The following ABCA4 variants were observed in gnomAD, a reference collection of about 807,000 sequenced individuals.
ABCA4 encodes retinal-specific phospholipid-transporting ATPase ABCA4.
A neutral mutation model predicts 263.7 loss-of-function variants in ABCA4; 196 were observed. The observed-to-expected ratio is 0.74, with a 90% CI of 0.66 to 0.84. The LOEUF (loss-of-function observed/expected upper bound fraction) is 0.84. Among genes scored for constraint, ABCA4 ranks in the 40% least tolerant of loss-of-function variants. The pLI is 0.00. For missense variants in ABCA4, 2,792 were observed against 2,855.1 expected, an observed-to-expected ratio of 0.98 and a Z score of 0.50; for synonymous variants, 1,133 against 1,094.2, an observed-to-expected ratio of 1.04 and a Z score of -0.70.
At chr1:94,036,231 C>T (rs936384580) in intron 26 of ABCA4, among the ~76,000 whole-genome samples, 1 of 151,148 alleles carries the variant, frequency 6.6e-6, no homozygotes, top group Admixed American at 6.6e-5. Context: ...AATCCTCATT[C>T]ATCCAAAGTG....
intron 49 of ABCA4, among the ~76,000 whole-genome samples, chr1:93,995,642 G>C (rs150261293): frequency 8.7e-4 from 133 of 152,260 alleles, no homozygotes; most frequent in African/African-American, 2.9e-3. Context: ...GCTATTCCTT[G>C]ATCTAACCAA....
chr1:94,020,120 A>T (rs987274421), intron 35 of ABCA4, among the ~76,000 whole-genome samples: 1 of 152,148 alleles, frequency 6.6e-6, no homozygotes, highest in African/African-American at 2.4e-5. Context: ...TGAATTTTCT[A>T]TGTTGACAGA....
rs748388032 is a variant in ABCA4 at position 94,029,460 on chromosome 1, G to T, written c.4524C>A (p.Gly1508=). 2.6e-5 allele frequency: 40 copies of T among 1,556,868 alleles called. No homozygotes were observed. The highest frequency in any genetic ancestry group is 3.0e-5 in the Non-Finnish European group (35 of 1,149,556). ...GGTCAGGTACCTGGGGGGGCGGGAG[G>T]CCCCCGGCACCCTCGGGGCACTCTG... The part of the protein sequence containing the change: ...MLPECPEGAG[G]LPPPQRTQRS... The change falls in exon 30 of 50, where the codon GGC becomes GGA. Residue 1508 remains glycine (G), a synonymous_variant. Transcript: ENST00000370225.
chr1:94,046,093 T>G, intron 19 of ABCA4: 2 of 369,606 alleles, frequency 5.4e-6, no homozygotes, highest in Non-Finnish European at 1.1e-5. Context: ...CTAACCCTCA[T>G]CAGCTGATGT....
intron 29 of ABCA4, among the ~76,000 whole-genome samples, chr1:94,030,053 C>T (rs1660152643): frequency 6.6e-6 from 1 of 152,220 alleles, no homozygotes; most frequent in Non-Finnish European, 1.5e-5. Context: ...AGACTCACAA[C>T]TATCACAAAG....
intron 9 of ABCA4, 104 bp downstream of exon 9, chr1:94,079,218 T>C: frequency 6.6e-7 from 1 of 1,526,154 alleles, no homozygotes; most frequent in Non-Finnish European, 9.1e-7. Context: ...AAAACAAACA[T>C]GAGATGTGCT....
chr1:93,993,513 G>A (rs1658923580), intron 49 of ABCA4, among the ~76,000 whole-genome samples: 1 of 151,702 alleles, frequency 6.6e-6, no homozygotes, highest in Non-Finnish European at 1.5e-5. Flanking sequence ...CATCCTGGGG[G>A]GAAGCTACAC....
intron 11 of ABCA4, among the ~76,000 whole-genome samples, chr1:94,073,353 C>T (rs1284623580): frequency 6.6e-6 from 1 of 152,202 alleles, no homozygotes; most frequent in Non-Finnish European, 1.5e-5. Context: ...TGCTCAGAGG[C>T]CCTCGTGAAG....
chr1:94,062,466 G>A (rs2101077780), intron 13 of ABCA4, 111 bp downstream of exon 13: 1 of 1,363,678 alleles, frequency 7.3e-7, no homozygotes, highest in Non-Finnish European at 1.0e-6. Context: ...TCTGGTCCCT[G>A]GGGCTCTCTC....
At chr1:94,107,095 T>C (rs1267015159) in intron 4 of ABCA4, among the ~76,000 whole-genome samples, 2 of 152,184 alleles carry the variant, frequency 1.3e-5, no homozygotes, top group Non-Finnish European at 2.9e-5. Flanking sequence ...ACATTTCTTG[T>C]TTGGAACCTG....
chr1:94,110,521 C>G (rs189725797), intron 3 of ABCA4, among the ~76,000 whole-genome samples: 4 of 152,236 alleles, frequency 2.6e-5, no homozygotes, highest in Admixed American at 1.3e-4. Flanking sequence ...TGCTCCCCAA[C>G]AGGCCTTTGC....
At chr1:94,071,527 C>T (rs1051927973) in intron 11 of ABCA4, among the ~76,000 whole-genome samples, 2 of 152,214 alleles carry the variant, frequency 1.3e-5, no homozygotes, top group African/African-American at 4.8e-5. Flanking sequence ...CCAGATCCCC[C>T]ATTTAGCTGT....
At chr1:94,031,255 T>C in intron 27 of ABCA4, 135 bp from the exon 28 acceptor site, 2 of 1,228,042 alleles carry the variant, frequency 1.6e-6, no homozygotes, top group Non-Finnish European at 2.3e-6. Flanking sequence ...AGGGTTGGGC[T>C]TCTGGGGGAA....
At chr1:94,038,720 TTG>T (rs1370295857) in intron 24 of ABCA4, among the ~76,000 whole-genome samples, 1 of 152,282 alleles carries the variant, frequency 6.6e-6, no homozygotes, top group East Asian at 1.9e-4. Flanking sequence ...TTCCCAGGAA[TTG>T]TGTCTTAGGC....
At position 94,080,639 on chromosome 1, in the gene ABCA4, G is replaced by A. The variant is rs911073778; in HGVS notation, c.938C>T (p.Thr313Ile). The A allele has an allele frequency of 2.5e-6, 4 of 1,614,028 alleles. No individual in the cohort carries two copies. The highest frequency in any genetic ancestry group is 3.4e-6 in the Non-Finnish European group (4 of 1,180,046). ...LMQNGGPETF[T>I]KLMGILSDLL... The stretch of plus-strand genomic sequence containing the variant: ...GTCAGACAGGATGCCCATCAGCTTT[G>A]TAAAGGTCTCTGGACCACCATTCTG... The change falls in exon 8 of 50, where the codon ACA becomes ATA. Residue 313 changes from threonine (T) to isoleucine (I), a missense_variant. Transcript: ENST00000370225.
intron 4 of ABCA4, 27 bp downstream of exon 4, chr1:94,108,550 G>A: frequency 6.2e-7 from 1 of 1,612,876 alleles, no homozygotes; most frequent in East Asian, 2.2e-5. Context: ...GGGAAATGAT[G>A]CTTGAGAGCA....
rs995816295 is a variant in ABCA4, at chr1:93,997,764, C to G, written c.6729+97G>C. On this transcript the variant is annotated intron_variant, in intron 48 of 49. Transcript: ENST00000370225. Reference sequence around the variant, plus strand: ...CAGAGGGCAAGAGTTTGTTAAAAATCGGGAATGTTATGCCTCCCTCTTATG... The same window carrying G: ...CAGAGGGCAAGAGTTTGTTAAAAATGGGGAATGTTATGCCTCCCTCTTATG... 13 of 1,498,544 alleles carry G rather than the reference C, an allele frequency of 8.7e-6. No homozygotes were observed. In the South Asian group the frequency reaches 1.2e-4, roughly 14 times the overall value. The allele number at this position is 1,498,544 out of a possible 1,614,324, so 92.8% of individuals were successfully genotyped here.
intron 10 of ABCA4, 125 bp downstream of exon 10, chr1:94,078,465 C>T (rs1183824205): frequency 3.9e-6 from 3 of 768,252 alleles, no homozygotes; most frequent in Non-Finnish European, 4.5e-6. Flanking sequence ...TTGGGGCCTG[C>T]TTGTTGTATT....
chr1:94,011,094 A>G (rs1400797690), intron 39 of ABCA4, among the ~76,000 whole-genome samples, 165 bp from the exon 40 acceptor site: 1 of 152,046 alleles, frequency 6.6e-6, no homozygotes, highest in Non-Finnish European at 1.5e-5. Context: ...CTCCCCAGCC[A>G]TGGAAACAGA....
Sources: allele counts gnomAD v4.1 joint callset (sites outside exome capture counted in the v4.1 genomes callset), GRCh38; gene constraint gnomAD v4.1.1; transcripts MANE v1.5; gene names NCBI Gene and HGNC (gene_info 2026-07-23, HGNC 2026-07-21).